Variants in ANKS1B observed in about 807,000 individuals in gnomAD.
The protein encoded by ANKS1B is ankyrin repeat and sterile alpha motif domain containing 1B.
In ANKS1B, 36 loss-of-function variants were observed where a neutral mutation model predicts 148.3. The ratio of observed to expected loss-of-function variants is 0.24; its 90% confidence interval spans 0.19 to 0.32. ANKS1B has a LOEUF of 0.32. ANKS1B is among the 10% of genes least tolerant of loss of function. ANKS1B has a pLI of 1.00. For missense variants in ANKS1B, 1,157 were observed against 1,542.6 expected, an observed-to-expected ratio of 0.75 and a Z score of 4.19; for synonymous variants, 542 against 560.8, an observed-to-expected ratio of 0.97 and a Z score of 0.47.
chr12:99,600,270 A>G (rs2097790333), intron 9 of ANKS1B, among the ~76,000 whole-genome samples: 1 of 151,994 alleles, frequency 6.6e-6, no homozygotes, highest in South Asian at 2.1e-4. Flanking sequence ...GGAAAAAATT[A>G]TTACTAATAT....
At chr12:99,615,893 C>T (rs1211826739) in intron 9 of ANKS1B, among the ~76,000 whole-genome samples, 2 of 152,034 alleles carry the variant, frequency 1.3e-5, no homozygotes, top group African/African-American at 4.8e-5. Context: ...TTTAGAAAAC[C>T]CTATCATCTC....
intron 8 of ANKS1B, among the ~76,000 whole-genome samples, chr12:99,694,237 G>A (rs1347085494): frequency 3.3e-5 from 5 of 149,698 alleles, no homozygotes; most frequent in African/African-American, 7.3e-5. Context: ...TCAGGAGTTC[G>A]AGACCAGCCT....
At chr12:99,385,279 G>T (rs547835284) in intron 12 of ANKS1B, among the ~76,000 whole-genome samples, 1 of 152,272 alleles carries the variant, frequency 6.6e-6, no homozygotes, top group Admixed American at 6.5e-5. Flanking sequence ...GACCAGCCTG[G>T]CCAACATGGC....
chr12:99,718,028 C>G (rs1012813469), intron 8 of ANKS1B, among the ~76,000 whole-genome samples: 15 of 151,352 alleles, frequency 9.9e-5, no homozygotes, highest in East Asian at 3.9e-4. Flanking sequence ...CTCAGCCTCC[C>G]GAGTAGCTGG....
chr12:99,977,773 T>G (rs1212480878), intron 1 of ANKS1B, among the ~76,000 whole-genome samples: 4 of 152,190 alleles, frequency 2.6e-5, no homozygotes, highest in Non-Finnish European at 5.9e-5. Context: ...CTCACATGCA[T>G]GAGAAAGAAC....
rs9738628 is a variant in ANKS1B at position 99,182,163 on chromosome 12, C to G, written c.2420-27768G>C. Among the ~76,000 whole-genome samples the G allele has an allele frequency of 2.0e-5, 3 of 152,024 alleles. No individual in the cohort carries two copies. The East Asian group carries it at 5.8e-4, about 29-fold the overall frequency. ...AGGCACATTTTATATGGTGGCAGGG[C>G]GTAGGGACTGCCACACACTTTTAAA... is the stretch of plus-strand genomic sequence containing the variant. On this transcript the variant is annotated intron_variant, in intron 14 of 26. Coordinates refer to ENST00000683438, the MANE Select transcript of ANKS1B (RefSeq NM_001352186.2).
intron 1 of ANKS1B, among the ~76,000 whole-genome samples, chr12:99,964,497 T>C (rs950958870): frequency 1.3e-5 from 2 of 152,144 alleles, no homozygotes; most frequent in Admixed American, 1.3e-4. Context: ...AGAGGAAAGA[T>C]GGAAGGCACA....
At chr12:99,366,375 G>A (rs1422559160) in intron 12 of ANKS1B, among the ~76,000 whole-genome samples, 2 of 152,054 alleles carry the variant, frequency 1.3e-5, no homozygotes, top group African/African-American at 4.8e-5. Context: ...CTAGCCTGTA[G>A]GTCACCTCGC....
intron 16 of ANKS1B, among the ~76,000 whole-genome samples, chr12:99,083,161 T>C (rs1159107297): frequency 6.6e-6 from 1 of 152,214 alleles, no homozygotes; most frequent in Non-Finnish European, 1.5e-5. Flanking sequence ...TTCAATTCAC[T>C]GTCAGTTGGG....
chr12:99,434,479 G>A (rs1288335561), intron 11 of ANKS1B, among the ~76,000 whole-genome samples: 1 of 151,772 alleles, frequency 6.6e-6, no homozygotes, highest in East Asian at 1.9e-4. Flanking sequence ...CTTACTAATA[G>A]GCATTAAGGT....
chr12:99,093,740 A>T (rs1202470404), intron 15 of ANKS1B: 1 of 152,204 alleles, frequency 6.6e-6, no homozygotes. Flanking sequence ...AATTCTTCAA[A>T]GATATGGTTG....
At position 98,768,597 on chromosome 12, in the gene ANKS1B, G is replaced by C. The variant is rs576434587; in HGVS notation, c.3579+4445C>G. 1.4e-3 allele frequency among the ~76,000 whole-genome samples: 214 copies of C among 151,874 alleles called. 1 individual carries two copies. Among genetic ancestry groups the C allele is most frequent in the Non-Finnish European group, 2.2e-3 (148 of 67,872 alleles). ...AAAATACAAAAAATTAGCCGGGCGT[G>C]CTGGCGGGTGCCTGTAGTCCCAGCT... On this transcript the variant is annotated intron_variant, in intron 25 of 26. Coordinates refer to ENST00000683438, the MANE Select transcript of ANKS1B (RefSeq NM_001352186.2).
At chr12:99,900,247 C>T (rs1397304618) in intron 1 of ANKS1B, among the ~76,000 whole-genome samples, 1 of 151,500 alleles carries the variant, frequency 6.6e-6, no homozygotes, top group East Asian at 2.0e-4. Context: ...GTGGCTCACG[C>T]CTGTAATCCC....
At position 99,231,867 on chromosome 12, in the gene ANKS1B, G is replaced by A. The variant is rs117748733; in HGVS notation, c.2419+12475C>T. On this transcript the variant is annotated intron_variant, in intron 14 of 26. Transcript: ENST00000683438. The stretch of plus-strand genomic sequence containing the variant: ...TCTACTTAGAAAGAGGCTCTTTTAG[G>A]AGAAAGGGACATATTTAGGAGAAAG... 5.0e-3 allele frequency among the ~76,000 whole-genome samples: 758 copies of A among 152,188 alleles called. 13 individuals carry two copies. Among genetic ancestry groups the A allele is most frequent in the South Asian group, 0.049 (236 of 4,810 alleles).
At chr12:99,963,157 C>A (rs531320793) in intron 1 of ANKS1B, among the ~76,000 whole-genome samples, 1 of 152,294 alleles carries the variant, frequency 6.6e-6, no homozygotes, top group East Asian at 1.9e-4. Flanking sequence ...TAAATGTCTT[C>A]TTTTGAGAAG....
In ANKS1B at chr12:99,950,005, G is replaced by A. The variant is rs118140196; in HGVS notation, c.134+34099C>T. 1.1e-4 allele frequency among the ~76,000 whole-genome samples: 17 copies of A among 151,980 alleles called. No homozygotes were observed. The East Asian group carries it at 3.1e-3, about 28-fold the overall frequency. On this transcript the variant is annotated intron_variant, in intron 1 of 26. Coordinates refer to ENST00000683438, the MANE Select transcript of ANKS1B (RefSeq NM_001352186.2). ...TGACAGGGTCTCACTCTGTAACCCAGACTGGAGTGCAGTAGCACGATCACA... is the reference window on the plus strand; with the variant it reads ...TGACAGGGTCTCACTCTGTAACCCAAACTGGAGTGCAGTAGCACGATCACA...
chr12:98,971,395 C>A (rs2099882995), intron 17 of ANKS1B, among the ~76,000 whole-genome samples: 1 of 152,164 alleles, frequency 6.6e-6, no homozygotes, highest in African/African-American at 2.4e-5. Flanking sequence ...AGACAGATAA[C>A]CACAAAGAAA....
At chr12:99,155,466 C>G (rs1020538175) in intron 14 of ANKS1B, among the ~76,000 whole-genome samples, 1 of 151,908 alleles carries the variant, frequency 6.6e-6, no homozygotes, top group African/African-American at 2.4e-5. Flanking sequence ...TCCTTTTTCC[C>G]CTCTGATATT....
intron 9 of ANKS1B, among the ~76,000 whole-genome samples, chr12:99,541,425 A>G (rs2097125063): frequency 6.6e-6 from 1 of 152,206 alleles, no homozygotes; most frequent in African/African-American, 2.4e-5. Context: ...AAATAATTAT[A>G]TATCATGACC....
Sources: allele counts gnomAD v4.1 joint callset (sites outside exome capture counted in the v4.1 genomes callset), GRCh38; gene constraint gnomAD v4.1.1; transcripts MANE v1.5; gene names NCBI Gene and HGNC (gene_info 2026-07-23, HGNC 2026-07-21).